EYS: variants seen among roughly 807,000 people sequenced by gnomAD.
The protein encoded by EYS is protein eyes shut homolog.
A neutral mutation model predicts 282.1 loss-of-function variants in EYS; 250 were observed. That is an observed-to-expected ratio of 0.89 (90% CI 0.80 to 0.98). The LOEUF is 0.98. Among genes scored for constraint, EYS ranks in the 50% least tolerant of loss-of-function variants. EYS has a pLI of 0.00. For synonymous variants in EYS, 1,355 were observed against 1,282.9 expected (o/e 1.06, Z -1.20); for missense variants, 4,016 against 3,709.0 (o/e 1.08, Z -2.15).
At chr6:64,449,023 T>C (rs1354803533) in intron 26 of EYS, among the ~76,000 whole-genome samples, 1 of 152,056 alleles carries the variant, frequency 6.6e-6, no homozygotes, top group Non-Finnish European at 1.5e-5. Flanking sequence ...TTTGATGAGT[T>C]GAGAGAGGAA....
intron 22 of EYS, among the ~76,000 whole-genome samples, chr6:64,799,318 T>C (rs541465219): frequency 2.0e-5 from 3 of 152,080 alleles, no homozygotes; most frequent in Non-Finnish European, 4.4e-5. Context: ...TCCTTTGAGA[T>C]TGAGGACAAA....
At chr6:64,732,019 G>C (rs1455448602) in intron 22 of EYS, among the ~76,000 whole-genome samples, 1 of 152,124 alleles carries the variant, frequency 6.6e-6, no homozygotes, top group Non-Finnish European at 1.5e-5. Context: ...TAGTGACATG[G>C]ATGAAGGTGG....
intron 26 of EYS, among the ~76,000 whole-genome samples, chr6:64,571,105 T>G (rs1301574760): frequency 6.6e-6 from 1 of 152,118 alleles, no homozygotes; most frequent in Non-Finnish European, 1.5e-5. Flanking sequence ...GCAATCAAAT[T>G]AGAACTCAGG....
chr6:64,962,036 C>G (rs1769938122), intron 14 of EYS, among the ~76,000 whole-genome samples: 1 of 152,112 alleles, frequency 6.6e-6, no homozygotes, highest in Admixed American at 6.6e-5. Context: ...CACGTTTCCC[C>G]TAAGAAATTT....
In EYS at chr6:64,025,208, C is replaced by T. The variant is rs79785317; in HGVS notation, c.6726-26025G>A. On this transcript the variant is annotated intron_variant, in intron 33 of 42. Transcript: ENST00000503581. ...GTGCCAGGCTTTCTGGGAAAGGGCT[C>T]TCTAACAACCCCCAACTCTTTGGAG... Among the ~76,000 whole-genome samples, 43 of 73,886 alleles carry T rather than the reference C, an allele frequency of 5.8e-4. 1 individual carries two copies. The highest frequency in any genetic ancestry group is 4.7e-3 in the Admixed American group (39 of 8,370). The allele number at this position is 73,886 out of a possible 152,430, so 48.5% of individuals were successfully genotyped here.
At chr6:64,837,582 T>C (rs1765422857) in intron 19 of EYS, among the ~76,000 whole-genome samples, 1 of 148,708 alleles carries the variant, frequency 6.7e-6, no homozygotes, top group African/African-American at 2.4e-5. Context: ...TATATAATGA[T>C]ATGTATATGA....
At chr6:65,149,372 A>T (rs1025540994) in intron 12 of EYS, among the ~76,000 whole-genome samples, 1 of 152,126 alleles carries the variant, frequency 6.6e-6, no homozygotes, top group Admixed American at 6.5e-5. Context: ...AGCAAGAGTT[A>T]CCTTTGCTCC....
At chr6:65,346,904 T>G (rs1412314474) in intron 9 of EYS, among the ~76,000 whole-genome samples, 2 of 151,894 alleles carry the variant, frequency 1.3e-5, no homozygotes, top group Admixed American at 6.6e-5. Flanking sequence ...CTGCATGCCT[T>G]TCTTTCACCT....
intron 29 of EYS, among the ~76,000 whole-genome samples, chr6:64,308,608 A>G (rs1038778401): frequency 2.6e-5 from 4 of 152,162 alleles, no homozygotes; most frequent in East Asian, 3.9e-4. Context: ...ATTATACACT[A>G]TTTGCATCTC....
intron 37 of EYS, among the ~76,000 whole-genome samples, chr6:63,804,408 T>C (rs1562034226): frequency 6.6e-6 from 1 of 152,176 alleles, no homozygotes; most frequent in Non-Finnish European, 1.5e-5. Flanking sequence ...ACTCATTTGA[T>C]AGGTTAGAAA....
At chr6:65,278,191 C>T (rs1305133859) in intron 12 of EYS, among the ~76,000 whole-genome samples, 2 of 148,320 alleles carry the variant, frequency 1.3e-5, no homozygotes, top group Non-Finnish European at 3.0e-5. Context: ...GGCATTGGCT[C>T]TTCTGGTGTA....
intron 28 of EYS, among the ~76,000 whole-genome samples, chr6:64,430,068 G>C (rs1758251316): frequency 6.6e-6 from 1 of 152,140 alleles, no homozygotes; most frequent in Non-Finnish European, 1.5e-5. Context: ...CCAGCACTCT[G>C]AGCCAAAGTA....
intron 12 of EYS, among the ~76,000 whole-genome samples, chr6:65,239,722 T>C (rs1047897244): frequency 4.6e-5 from 7 of 152,136 alleles, no homozygotes; most frequent in Admixed American, 1.3e-4. Context: ...AAGATATACA[T>C]ATTTATTTGT....
chr6:63,810,878 T>C lies in EYS; in HGVS notation c.7229-4506A>G, dbSNP rs571086005. On this transcript the variant is annotated intron_variant, in intron 36 of 42. Coordinates refer to ENST00000503581, the MANE Select transcript of EYS (RefSeq NM_001142800.2). ...TTAATAATCTTGGTTTTTATTTTGC[T>C]GAGAAAAACCCATCAACAGAGAACT... is the stretch of plus-strand genomic sequence containing the variant. Among the ~76,000 whole-genome samples the C allele has an allele frequency of 2.6e-5, 4 of 152,344 alleles. No homozygotes were observed. The South Asian group carries it at 8.3e-4, about 32-fold the overall frequency.
At chr6:64,868,325 A>G (rs940274344) in intron 19 of EYS, among the ~76,000 whole-genome samples, 1 of 151,336 alleles carries the variant, frequency 6.6e-6, no homozygotes, top group Non-Finnish European at 1.5e-5. Flanking sequence ...CATAGTGACA[A>G]TTTTTTCTAA....
In EYS at chr6:64,028,169, T is replaced by C. The variant is rs182882902; in HGVS notation, c.6726-28986A>G. On this transcript the variant is annotated intron_variant, in intron 33 of 42. Coordinates refer to ENST00000503581, the MANE Select transcript of EYS (RefSeq NM_001142800.2). Reference sequence around the variant, plus strand: ...TGGGGAACAAGTTACCCATTTGTTGTCCCCTACTTGAGGAGGGAATCAATC... The same window carrying C: ...TGGGGAACAAGTTACCCATTTGTTGCCCCCTACTTGAGGAGGGAATCAATC... Among the ~76,000 whole-genome samples, 474 of 152,270 alleles carry C rather than the reference T, an allele frequency of 3.1e-3. 2 individuals carry two copies. Among genetic ancestry groups the C allele is most frequent in the Middle Eastern group, 0.031 (9 of 294 alleles).
At chr6:64,835,312 A>G (rs1765348921) in intron 19 of EYS, among the ~76,000 whole-genome samples, 1 of 151,686 alleles carries the variant, frequency 6.6e-6, no homozygotes, top group Admixed American at 6.6e-5. Context: ...AACTAGAAAC[A>G]TGTGCATAAT....
At chr6:64,083,673 G>A (rs945851121) in intron 31 of EYS, among the ~76,000 whole-genome samples, 1 of 152,192 alleles carries the variant, frequency 6.6e-6, no homozygotes, top group Admixed American at 6.5e-5. Flanking sequence ...TGGTAGGGAT[G>A]CCAGATAAAA....
chr6:65,176,297 T>A (rs977043538), intron 12 of EYS, among the ~76,000 whole-genome samples: 1 of 151,624 alleles, frequency 6.6e-6, no homozygotes, highest in African/African-American at 2.4e-5. Flanking sequence ...GTTGTCCTTG[T>A]TATGCATAGC....
Sources: gnomAD v4.1 joint callset for allele counts (sites outside exome capture counted in the v4.1 genomes callset) on GRCh38, gnomAD v4.1.1 for gene constraint, MANE v1.5 for transcripts, NCBI Gene and HGNC (gene_info 2026-07-23, HGNC 2026-07-21) for gene names.